GK5: variants seen among roughly 807,000 people sequenced by gnomAD.
The protein encoded by GK5 is ATP:glycerol 3-phosphotransferase 5.
Under a neutral mutation model 77.3 loss-of-function variants are expected in GK5, and 39 were observed. The ratio of observed to expected loss-of-function variants is 0.50; its 90% CI spans 0.39 to 0.66. The LOEUF is 0.66. Among genes scored for constraint, GK5 ranks in the 30% least tolerant of loss-of-function variants. The pLI is 0.00. For missense variants in GK5, 487 were observed against 633.8 expected, an observed-to-expected ratio of 0.77 and a Z score of 2.49; for synonymous variants, 211 against 208.0, an observed-to-expected ratio of 1.01 and a Z score of -0.13.
chr3:142,192,355 T>A (rs757189154), intron 5 of GK5, among the ~76,000 whole-genome samples: 7 of 152,190 alleles, frequency 4.6e-5, no homozygotes, highest in Non-Finnish European at 8.8e-5. Context: ...ATCATACACC[T>A]ATTTACTCAA....
intron 2 of GK5, among the ~76,000 whole-genome samples, chr3:142,214,619 G>C (rs575972710): frequency 1.5e-4 from 23 of 152,268 alleles, no homozygotes; most frequent in African/African-American, 5.3e-4. Context: ...TTTGAAAATT[G>C]CCAATGTCAT....
At chr3:142,189,394 C>T (rs1288764072) in intron 5 of GK5, among the ~76,000 whole-genome samples, 1 of 152,134 alleles carries the variant, frequency 6.6e-6, no homozygotes, top group African/African-American at 2.4e-5. Context: ...AGATTCCATT[C>T]AAGAGTTATG....
intron 1 of GK5, among the ~76,000 whole-genome samples, chr3:142,223,479 C>A (rs535362275): frequency 1.3e-5 from 2 of 152,268 alleles, no homozygotes; most frequent in Admixed American, 1.3e-4. Context: ...GCAGTGTTCC[C>A]ACACAGCTAG....
In GK5 at chr3:142,170,401, A is replaced by C; in HGVS notation, c.1365T>G (p.Ile455Met). 6.2e-7 allele frequency: 1 copy of C among 1,614,026 alleles called. No homozygotes were observed. The change falls in exon 15 of 16, where the codon ATT becomes ATG. Residue 455 changes from isoleucine to methionine, a missense_variant. Physicochemically the swap from Ile to Met is conservative, Grantham distance 10. This residue lies in a region of GK5 where 65 missense variants were observed against 89.9 expected (regional missense o/e 0.72). Coordinates refer to ENST00000392993, the MANE Select transcript of GK5 (RefSeq NM_001039547.3). Reference protein sequence around the residue: ...GFVMQMTSDLINENIDRPADI... With the variant: ...GFVMQMTSDLMNENIDRPADI... Reference sequence around the variant, plus strand: ...CGGCAGGTCTGTCTATATTCTCATTAATCAGGTCTGAAGTCATCTGCATGA... The same window carrying C: ...CGGCAGGTCTGTCTATATTCTCATTCATCAGGTCTGAAGTCATCTGCATGA...
intron 15 of GK5, among the ~76,000 whole-genome samples, chr3:142,168,623 C>T (rs1407635560): frequency 6.6e-6 from 1 of 152,010 alleles, no homozygotes; most frequent in Non-Finnish European, 1.5e-5. Flanking sequence ...TTCTAGGGGG[C>T]CCTTTAAATT....
intron 12 of GK5, among the ~76,000 whole-genome samples, chr3:142,174,370 C>T (rs1288020007): frequency 2.0e-5 from 3 of 151,994 alleles, no homozygotes; most frequent in Non-Finnish European, 2.9e-5. Flanking sequence ...TTAGTAAAAA[C>T]GTATATAGTA....
chr3:142,193,539 T>G (rs559620780), intron 5 of GK5, among the ~76,000 whole-genome samples: 1 of 151,770 alleles, frequency 6.6e-6, no homozygotes, highest in African/African-American at 2.4e-5. Context: ...GTGTTGTACC[T>G]GTAGATAAAT....
chr3:142,221,648 A>AT (rs1214953929), intron 1 of GK5, among the ~76,000 whole-genome samples: 1 of 152,150 alleles, frequency 6.6e-6, no homozygotes, highest in African/African-American at 2.4e-5. Flanking sequence ...AGACATTATC[A>AT]TTTTTTATAG....
At chr3:142,207,838 G>A (rs1168149245) in intron 3 of GK5, among the ~76,000 whole-genome samples, 3 of 152,082 alleles carry the variant, frequency 2.0e-5, no homozygotes, top group Non-Finnish European at 4.4e-5. Context: ...GCCAGATCAC[G>A]CAATATTCAC....
intron 12 of GK5, among the ~76,000 whole-genome samples, chr3:142,175,541 G>A (rs962008913): frequency 1.3e-5 from 2 of 152,134 alleles, no homozygotes; most frequent in Non-Finnish European, 2.9e-5. Context: ...TGTTCACATA[G>A]GCAGATTATA....
chr3:142,220,917 G>A (rs1484594023), intron 1 of GK5, among the ~76,000 whole-genome samples: 1 of 152,266 alleles, frequency 6.6e-6, no homozygotes, highest in Non-Finnish European at 1.5e-5. Flanking sequence ...CCTCCAGCCA[G>A]ATCACTGCCC....
chr3:142,165,951 G>GT (rs1219408085), intron 15 of GK5, among the ~76,000 whole-genome samples, 181 bp from the exon 16 acceptor site: 1 of 152,172 alleles, frequency 6.6e-6, no homozygotes, highest in Non-Finnish European at 1.5e-5. Flanking sequence ...AATTATACCA[G>GT]TATTTTCAAG....
chr3:142,225,012 G>A (rs2064407504), intron 1 of GK5, among the ~76,000 whole-genome samples: 1 of 152,200 alleles, frequency 6.6e-6, no homozygotes, highest in African/African-American at 2.4e-5. Context: ...ATCCAGGTAA[G>A]GCCGGACAGG....
rs192736407 is a variant in GK5 at position 142,224,786 on chromosome 3, C to T, written c.147+523G>A. ...TGACAAGTGAAGAATAGAGAATAAA[C>T]TTAAATTCTACAAAGATATGAAAAG... On this transcript the variant is annotated intron_variant, in intron 1 of 15. Coordinates refer to ENST00000392993, the MANE Select transcript of GK5 (RefSeq NM_001039547.3). 2.9e-3 allele frequency among the ~76,000 whole-genome samples: 444 copies of T among 152,202 alleles called. 4 individuals are homozygous for T. Among genetic ancestry groups the T allele is most frequent in the African/African-American group, 9.9e-3 (413 of 41,528 alleles).
At chr3:142,208,847 G>T (rs757382364) in intron 3 of GK5, among the ~76,000 whole-genome samples, 1 of 152,084 alleles carries the variant, frequency 6.6e-6, no homozygotes, top group Non-Finnish European at 1.5e-5. Context: ...GCTGGAATAC[G>T]CCCTATAAAG....
chr3:142,190,376 GA>G (rs745426409), intron 5 of GK5, among the ~76,000 whole-genome samples: 1 of 152,232 alleles, frequency 6.6e-6, no homozygotes, highest in Non-Finnish European at 1.5e-5. Context: ...AAAAAAAGTT[GA>G]GCAAACTGAA....
chr3:142,195,556 T>C (rs564306011), intron 5 of GK5, among the ~76,000 whole-genome samples: 46 of 152,124 alleles, frequency 3.0e-4, no homozygotes, highest in Non-Finnish European at 6.5e-4. Context: ...CTTGCTATAT[T>C]GCCCAGGCTG....
At chr3:142,211,874 C>T (rs1030682656) in intron 3 of GK5, among the ~76,000 whole-genome samples, 1 of 152,136 alleles carries the variant, frequency 6.6e-6, no homozygotes, top group Non-Finnish European at 1.5e-5. Context: ...TTCTAGTCAC[C>T]TCTGAGATAT....
chr3:142,175,186 C>T (rs1431631507), intron 12 of GK5, among the ~76,000 whole-genome samples: 3 of 152,116 alleles, frequency 2.0e-5, no homozygotes, highest in Non-Finnish European at 4.4e-5. Context: ...GGTAAATGAC[C>T]ACTGTTTCTT....
Sources: allele counts gnomAD v4.1 joint callset (sites outside exome capture counted in the v4.1 genomes callset), GRCh38; gene constraint gnomAD v4.1.1; regional missense constraint gnomAD v4.1.1; transcripts MANE v1.5; gene names NCBI Gene and HGNC (gene_info 2026-07-23, HGNC 2026-07-21).